Variants in CFAP54 observed in about 807,000 individuals in gnomAD.
The protein encoded by CFAP54 is cilia- and flagella-associated protein 54.
In CFAP54, 290 loss-of-function variants were observed where a neutral mutation model predicts 370.4. The ratio of observed to expected loss-of-function variants is 0.78; its 90% confidence interval spans 0.71 to 0.86. The LOEUF is 0.86. Ranked by LOEUF, CFAP54 falls within the 40% of genes least tolerant of loss-of-function variation. The pLI is 0.00. For missense variants in CFAP54, 3,399 were observed against 3,528.7 expected (o/e 0.96, Z 0.93); for synonymous variants, 1,206 against 1,236.5 (o/e 0.98, Z 0.52).
intron 20 of CFAP54, among the ~76,000 whole-genome samples, chr12:96,577,290 T>G (rs1955988293): frequency 6.6e-6 from 1 of 152,200 alleles, no homozygotes. Flanking sequence ...CTTTGTGTAT[T>G]TATTGGAAGG....
chr12:96,582,681 T>C (rs553203930), intron 22 of CFAP54, among the ~76,000 whole-genome samples: 2 of 152,254 alleles, frequency 1.3e-5, no homozygotes, highest in East Asian at 1.9e-4. Flanking sequence ...CTCTTGGGCT[T>C]AATTTGGTAG....
chr12:96,501,621 AT>A (rs1457850316), intron 2 of CFAP54, among the ~76,000 whole-genome samples: 1 of 152,158 alleles, frequency 6.6e-6, no homozygotes, highest in Non-Finnish European at 1.5e-5. Context: ...CTAGGTCCAG[AT>A]TATTCTAAGT....
At chr12:96,522,800 G>T (rs1369990251) in intron 8 of CFAP54, among the ~76,000 whole-genome samples, 2 of 152,184 alleles carry the variant, frequency 1.3e-5, no homozygotes, top group African/African-American at 4.8e-5. Flanking sequence ...GGCCAGAGGG[G>T]ATTAAAGAGA....
intron 50 of CFAP54, among the ~76,000 whole-genome samples, chr12:96,727,980 T>A (rs1957864249): frequency 6.6e-6 from 1 of 151,926 alleles, no homozygotes; most frequent in Non-Finnish European, 1.5e-5. Flanking sequence ...AAAATTCTTT[T>A]CTTTAAGAAT....
chr12:96,795,108 A>T (rs1958746936), intron 63 of CFAP54, among the ~76,000 whole-genome samples: 1 of 152,196 alleles, frequency 6.6e-6, no homozygotes, highest in African/African-American at 2.4e-5. Context: ...CAGGTCTCTC[A>T]GCCATGGATA....
chr12:96,708,997 C>T (rs956541016), intron 48 of CFAP54, among the ~76,000 whole-genome samples, 194 bp downstream of exon 48: 3 of 152,170 alleles, frequency 2.0e-5, no homozygotes, highest in Non-Finnish European at 4.4e-5. Context: ...TATCCATATT[C>T]ATATGCTTTA....
rs748329706 is a variant in CFAP54, at chr12:96,743,576, GT to G, written c.7377+19del. On this transcript the variant is annotated intron_variant, in intron 53 of 67. Coordinates refer to ENST00000524981, the MANE Select transcript of CFAP54 (RefSeq NM_001306084.2). ...AACCTTCAGGTAGAAAGGAAACTTT[GT>G]TCGTATTTATAGTCAGGGAGGGATT... The G allele has an allele frequency of 6.2e-7, 1 of 1,613,800 alleles. No homozygotes were observed.
Position 96,589,501 on chromosome 12 carries a change from G to T in CFAP54, c.3150G>T (p.Ser1050=), listed in dbSNP as rs746520919. The part of the protein sequence containing the change: ...FSPVWDYFVA[S]PLQDEQSVIC... ...CAGTTTGGGATTATTTTGTTGCTTC[G>T]CCACTTCAGGATGAACAATCTGTTA... Residue 1050 remains serine (S), a synonymous_variant, in exon 23 of 68, where the codon TCG becomes TCT. Transcript: ENST00000524981. The T allele has an allele frequency of 2.0e-6, 3 of 1,506,784 alleles. No homozygotes were observed. Among genetic ancestry groups the T allele is most frequent in the South Asian group, 1.2e-5 (1 of 83,320 alleles). The allele number at this position is 1,506,784 out of a possible 1,614,324, so 93.3% of individuals were successfully genotyped here.
At chr12:96,708,876 C>T in intron 48 of CFAP54, 73 bp downstream of exon 48, 2 of 1,174,538 alleles carry the variant, frequency 1.7e-6, no homozygotes, top group Non-Finnish European at 2.4e-6. Flanking sequence ...CCCCACTAAT[C>T]TATATAAATG....
chr12:96,842,530 A>G (rs1959229885), intron 66 of CFAP54, among the ~76,000 whole-genome samples: 1 of 152,208 alleles, frequency 6.6e-6, no homozygotes. Flanking sequence ...AGTATGTAAC[A>G]TTTTGAGATT....
chr12:96,563,233 G>A (rs1955834054), intron 17 of CFAP54, among the ~76,000 whole-genome samples: 1 of 152,124 alleles, frequency 6.6e-6, no homozygotes, highest in South Asian at 2.1e-4. Flanking sequence ...GAGTTCAGAT[G>A]TAAATGGAAT....
intron 50 of CFAP54, among the ~76,000 whole-genome samples, chr12:96,726,887 A>G (rs370620815): frequency 2.0e-5 from 3 of 151,374 alleles, no homozygotes; most frequent in South Asian, 4.2e-4. Flanking sequence ...CTTTGTTCTC[A>G]TTGGTTTCAA....
At chr12:96,703,802 G>T (rs1036763162) in intron 46 of CFAP54, among the ~76,000 whole-genome samples, 2 of 152,112 alleles carry the variant, frequency 1.3e-5, no homozygotes, top group Non-Finnish European at 2.9e-5. Context: ...CAATGTGGGT[G>T]GGAGTGTAAA....
At chr12:96,689,127 C>A (rs865783452) in intron 43 of CFAP54, 145 bp downstream of exon 43, 2 of 514,698 alleles carry the variant, frequency 3.9e-6, no homozygotes, top group Admixed American at 3.7e-5. Flanking sequence ...CTTTCTCTTG[C>A]TGGCTGAACC....
chr12:96,523,666 A>G (rs1955344280), intron 8 of CFAP54, among the ~76,000 whole-genome samples: 5 of 151,032 alleles, frequency 3.3e-5, no homozygotes, highest in African/African-American at 1.2e-4. Flanking sequence ...GTGATGCTAT[A>G]GTCTTTGTAA....
chr12:96,827,953 T>C (rs1193333789), intron 65 of CFAP54, among the ~76,000 whole-genome samples: 1 of 103,594 alleles, frequency 9.7e-6, no homozygotes, highest in South Asian at 2.5e-4. Context: ...TAATATATAA[T>C]TATATATAAT....
At chr12:96,619,512 A>G (rs928799837) in intron 26 of CFAP54, among the ~76,000 whole-genome samples, 1 of 152,162 alleles carries the variant, frequency 6.6e-6, no homozygotes, top group African/African-American at 2.4e-5. Flanking sequence ...GAGATTTGCC[A>G]TCTTCAATGT....
intron 58 of CFAP54, among the ~76,000 whole-genome samples, chr12:96,760,922 C>T (rs1253584677): frequency 1.3e-5 from 2 of 151,982 alleles, no homozygotes; most frequent in African/African-American, 2.4e-5. Flanking sequence ...TGATGTTTTG[C>T]ACATTCATAT....
intron 39 of CFAP54, among the ~76,000 whole-genome samples, chr12:96,674,719 A>G (rs3886407): frequency 0.47 from 72,132 of 152,106 alleles, 17,902 homozygotes; most frequent in Middle Eastern, 0.64. Context: ...CTTGTTATAA[A>G]TAAAAATTTT....
Sources: allele counts gnomAD v4.1 joint callset (sites outside exome capture counted in the v4.1 genomes callset), GRCh38; gene constraint gnomAD v4.1.1; transcripts MANE v1.5; gene names NCBI Gene and HGNC (gene_info 2026-07-23, HGNC 2026-07-21).